The following SHANK2 variants were observed in gnomAD, a reference collection of about 807,000 sequenced individuals.
SHANK2 encodes SH3 and multiple ankyrin repeat domains 2.
Under a neutral mutation model 133.7 loss-of-function variants are expected in SHANK2, and 43 were observed. The ratio of observed to expected loss-of-function variants is 0.32; its 90% CI spans 0.25 to 0.41. The LOEUF (loss-of-function observed/expected upper bound fraction) is 0.41. SHANK2 is among the 10% of genes least tolerant of loss of function. The probability of loss-of-function intolerance (pLI) is 1.00; values close to 1 mark genes in which losing one functional copy is unlikely to be tolerated. For synonymous variants in SHANK2, 1,017 were observed against 952.8 expected, an observed-to-expected ratio of 1.07 and a Z score of -1.24; for missense variants, 1,994 against 2,235.8, an observed-to-expected ratio of 0.89 and a Z score of 2.18.
chr11:70,902,887 G>A (rs1311049277), intron 10 of SHANK2, among the ~76,000 whole-genome samples: 1 of 152,160 alleles, frequency 6.6e-6, no homozygotes, highest in Non-Finnish European at 1.5e-5. Context: ...CCCTACAGAT[G>A]CAGGAATGTC....
In SHANK2 at chr11:70,659,933, T is replaced by C. The variant is rs2061460224; in HGVS notation, c.1956A>G (p.Glu652=). The C allele has an allele frequency of 6.2e-7, 1 of 1,614,190 alleles. No individual in the cohort carries two copies. Among genetic ancestry groups the C allele is most frequent in the South Asian group, 1.1e-5 (1 of 91,088 alleles). ...RGAKADTPIE[E]FTPTPAFPAL... ...CTGGGAAAGCCGGTGTTGGTGTGAA[T>C]TCTTCAATGGGTGTGTCAGCTGGGA... Residue 652 remains glutamate (E), a synonymous_variant, in exon 17 of 26, where the codon GAA becomes GAG. Coordinates refer to ENST00000601538, the MANE Select transcript of SHANK2 (RefSeq NM_012309.5).
At chr11:70,727,814 TCCC>T (rs1946207041) in intron 14 of SHANK2, among the ~76,000 whole-genome samples, 1 of 152,138 alleles carries the variant, frequency 6.6e-6, no homozygotes, top group Admixed American at 6.5e-5. Context: ...CAGCCTCTGT[TCCC>T]CCAAGACGCT....
At chr11:71,093,014 C>A (rs965430429) in intron 7 of SHANK2, among the ~76,000 whole-genome samples, 13 of 134,914 alleles carry the variant, frequency 9.6e-5, no homozygotes, top group African/African-American at 3.5e-4. Flanking sequence ...TGCACTCCAG[C>A]CTGGGCAACA....
At chr11:70,723,643 T>C (rs2134676999) in intron 14 of SHANK2, among the ~76,000 whole-genome samples, 1 of 152,288 alleles carries the variant, frequency 6.6e-6, no homozygotes, top group Non-Finnish European at 1.5e-5. Flanking sequence ...TTGGAGCCAC[T>C]GATTTTATGG....
chr11:71,221,325 C>A (rs11232656), intron 2 of SHANK2, among the ~76,000 whole-genome samples: 1 of 151,964 alleles, frequency 6.6e-6, no homozygotes, highest in Admixed American at 6.5e-5. Context: ...TGGACCCTCA[C>A]ACCACAGTCT....
intron 10 of SHANK2, among the ~76,000 whole-genome samples, chr11:70,952,164 G>A (rs1394027002): frequency 1.3e-5 from 2 of 152,218 alleles, no homozygotes; most frequent in Non-Finnish European, 2.9e-5. Context: ...AGGTTCTGCA[G>A]ACGGGAATGC....
At chr11:70,814,545 A>T (rs1948349610) in intron 12 of SHANK2, among the ~76,000 whole-genome samples, 1 of 152,102 alleles carries the variant, frequency 6.6e-6, no homozygotes, top group African/African-American at 2.4e-5. Flanking sequence ...TGCCCATTTC[A>T]TCCGCCTGAA....
chr11:70,490,450 G>T, intron 22 of SHANK2, 63 bp from the exon 23 acceptor site: 1 of 1,378,474 alleles, frequency 7.3e-7, no homozygotes, highest in Middle Eastern at 1.8e-4. Context: ...CGGTCACAGG[G>T]CCCAGAGACC....
At chr11:71,208,402 G>C (rs1954175837) in intron 2 of SHANK2, among the ~76,000 whole-genome samples, 1 of 152,154 alleles carries the variant, frequency 6.6e-6, no homozygotes, top group South Asian at 2.1e-4. Context: ...TATGGAACAA[G>C]GGGAGAAAGA....
chr11:71,216,738 C>A (rs546871240), intron 2 of SHANK2, among the ~76,000 whole-genome samples: 3 of 152,158 alleles, frequency 2.0e-5, no homozygotes, highest in African/African-American at 7.2e-5. Flanking sequence ...GCATTCCTCA[C>A]GCGTCTGTGA....
intron 17 of SHANK2, among the ~76,000 whole-genome samples, chr11:70,609,122 C>G (rs1554993418): frequency 1.3e-5 from 2 of 152,254 alleles, no homozygotes; most frequent in Non-Finnish European, 2.9e-5. Flanking sequence ...ACCTGTGGCA[C>G]CGGGCGGCCC....
At chr11:70,874,927 G>A (rs1043408685) in intron 11 of SHANK2, among the ~76,000 whole-genome samples, 3 of 152,280 alleles carry the variant, frequency 2.0e-5, no homozygotes, top group African/African-American at 7.2e-5. Context: ...CAGTCAAAAG[G>A]CTGTAGCTAA....
At chr11:70,759,771 C>T (rs1225916289) in intron 14 of SHANK2, among the ~76,000 whole-genome samples, 1 of 152,180 alleles carries the variant, frequency 6.6e-6, no homozygotes, top group Non-Finnish European at 1.5e-5. Flanking sequence ...CCAGCAAGCC[C>T]CGGCCTTGGG....
At chr11:70,862,597 T>G (rs1356160707) in intron 11 of SHANK2, among the ~76,000 whole-genome samples, 1 of 148,248 alleles carries the variant, frequency 6.7e-6, no homozygotes, top group East Asian at 2.0e-4. Flanking sequence ...TGGACTGGAC[T>G]GCTGATGGAC....
chr11:70,489,748 C>T (rs535886308), intron 23 of SHANK2: 1 of 305,512 alleles, frequency 3.3e-6, no homozygotes, highest in African/African-American at 2.1e-5. Flanking sequence ...CCTTTGCCTG[C>T]AACAGGGTCA....
intron 11 of SHANK2, among the ~76,000 whole-genome samples, chr11:70,890,464 C>A (rs1299649141): frequency 3.4e-5 from 5 of 148,856 alleles, no homozygotes; most frequent in Admixed American, 3.4e-4. Flanking sequence ...CATGGTGAAA[C>A]CCTGTCTCTA....
chr11:70,752,603 G>A (rs562935405), intron 14 of SHANK2, among the ~76,000 whole-genome samples: 1 of 151,830 alleles, frequency 6.6e-6, no homozygotes, highest in Admixed American at 6.5e-5. Flanking sequence ...CTACTCGGGA[G>A]GCTGAGGCAG....
intron 1 of SHANK2, among the ~76,000 whole-genome samples, chr11:71,246,395 C>T (rs3020031): frequency 0.016 from 2,385 of 152,046 alleles, 72 homozygotes; most frequent in African/African-American, 0.055. Flanking sequence ...TGGGGCAGGA[C>T]ACCCCCAAGT....
At chr11:71,135,007 C>A (rs2135351409) in intron 3 of SHANK2, among the ~76,000 whole-genome samples, 1 of 152,188 alleles carries the variant, frequency 6.6e-6, no homozygotes, top group East Asian at 1.9e-4. Flanking sequence ...TGACCCTATA[C>A]CTGGACGCCC....
Sources: allele counts gnomAD v4.1 joint callset (sites outside exome capture counted in the v4.1 genomes callset), GRCh38; gene constraint gnomAD v4.1.1; transcripts MANE v1.5; gene names NCBI Gene and HGNC (gene_info 2026-07-23, HGNC 2026-07-21).